The following PHEX variants were observed in gnomAD, a reference collection of about 807,000 sequenced individuals.
PHEX encodes phosphate-regulating neutral endopeptidase PHEX.
Under a neutral mutation model 68.0 loss-of-function variants are expected in PHEX, and 16 were observed. The ratio of observed to expected loss-of-function variants is 0.24; its 90% confidence interval spans 0.16 to 0.36. The LOEUF (loss-of-function observed/expected upper bound fraction) is 0.36. PHEX is among the 10% of genes least tolerant of loss of function. PHEX has a pLI of 1.00. For synonymous variants in PHEX, 208 were observed against 205.1 expected, an observed-to-expected ratio of 1.01 and a Z score of -0.12; for missense variants, 480 against 575.5, an observed-to-expected ratio of 0.83 and a Z score of 1.70.
At position 22,107,445 on chromosome X, in the gene PHEX, C is replaced by T. The variant is rs746433517; in HGVS notation, c.1080-4022C>T. On this transcript the variant is annotated intron_variant, in intron 9 of 21. Coordinates refer to ENST00000379374, the MANE Select transcript of PHEX (RefSeq NM_000444.6). ...TAAGAGGTATTTTAGAGACAAAGAACATAAAGTCCTTGCACTAGGACCAAG... is the reference window on the plus strand; with the variant it reads ...TAAGAGGTATTTTAGAGACAAAGAATATAAAGTCCTTGCACTAGGACCAAG... Among the ~76,000 whole-genome samples the T allele has an allele frequency of 7.4e-4, 83 of 112,268 alleles. 1 individual carries two copies. Among genetic ancestry groups the T allele is most frequent in the African/African-American group, 2.3e-3 (72 of 30,906 alleles).
intron 15 of PHEX, 76 bp downstream of exon 15, chrX:22,190,578 T>C: frequency 1.4e-6 from 1 of 694,641 alleles, no homozygotes. Flanking sequence ...TGATGGAGGG[T>C]AAGACATTTC....
chrX:22,129,425 C>T (rs930577479), intron 11 of PHEX, among the ~76,000 whole-genome samples: 14 of 111,404 alleles, frequency 1.3e-4, no homozygotes, highest in African/African-American at 4.2e-4. Flanking sequence ...TAGCCATGTG[C>T]GAAGAAATAT....
At chrX:22,155,038 C>A (rs185290598) in intron 12 of PHEX, among the ~76,000 whole-genome samples, 1,779 of 112,316 alleles carry the variant, frequency 0.016, 36 homozygotes, top group African/African-American at 0.054. Context: ...CAGCCTCCCA[C>A]GTAGCTGGGA....
chrX:22,244,914 C>T (rs926056692), intron 20 of PHEX, among the ~76,000 whole-genome samples: 28 of 111,727 alleles, frequency 2.5e-4, no homozygotes, highest in African/African-American at 8.5e-4. Context: ...GCGAGCAAGG[C>T]ACTCAGGGGC....
chrX:22,237,401 C>T (rs964189671), intron 20 of PHEX, among the ~76,000 whole-genome samples: 2 of 111,633 alleles, frequency 1.8e-5, no homozygotes, highest in Non-Finnish European at 3.8e-5. Flanking sequence ...TTCCTGCTTT[C>T]TATGTCCCTG....
Position 22,162,182 on chromosome X carries a change from T to TG in PHEX, c.1405-6124dup, listed in dbSNP as rs771100335. On this transcript the variant is annotated intron_variant, in intron 12 of 21. Coordinates refer to ENST00000379374, the MANE Select transcript of PHEX (RefSeq NM_000444.6). Reference sequence around the variant, plus strand: ...GCTCTCAAAAGAGTCCTCCAACTTTTGGGGGGCTGCAAATAGCCTGGATTC... The same window carrying TG: ...GCTCTCAAAAGAGTCCTCCAACTTTTGGGGGGGCTGCAAATAGCCTGGATTC... 2.7e-5 allele frequency among the ~76,000 whole-genome samples: 3 copies of TG among 111,993 alleles called. No individual in the cohort carries two copies. The East Asian group carries it at 8.5e-4, about 32-fold the overall frequency.
rs921968559 is a variant in PHEX, at chrX:22,226,616, G to C, written c.1965+108G>C. The stretch of plus-strand genomic sequence containing the variant: ...ATGTTCTTGAGGAGTTAGTTAGTTA[G>C]ATATTATGGAATTTCTGTAAATAGA... On this transcript the variant is annotated intron_variant, in intron 19 of 21. Transcript: ENST00000379374. 22 of 610,480 alleles carry C rather than the reference G, an allele frequency of 3.6e-5. No individual in the cohort carries two copies. The Middle Eastern group carries it at 1.2e-3, about 34-fold the overall frequency. The allele number at this position is 610,480 out of a possible 1,213,427, so 50.3% of individuals were successfully genotyped here. A position where few individuals can be genotyped will look rare whatever the true frequency, so the allele number is the denominator to read the frequency against.
At chrX:22,198,949 A>G (rs935892128) in intron 15 of PHEX, among the ~76,000 whole-genome samples, 1 of 111,486 alleles carries the variant, frequency 9.0e-6, no homozygotes, top group African/African-American at 3.3e-5. Flanking sequence ...CATGTCTTAC[A>G]TGGTGGCAGG....
chrX:22,065,020 C>T (rs765985378), intron 3 of PHEX, among the ~76,000 whole-genome samples: 1 of 112,137 alleles, frequency 8.9e-6, no homozygotes, highest in African/African-American at 3.2e-5. Context: ...TGCTTTAAAG[C>T]GTCAAGAGAA....
intron 13 of PHEX, among the ~76,000 whole-genome samples, chrX:22,170,862 T>A (rs1933500957): frequency 1.8e-5 from 2 of 112,655 alleles, no homozygotes; most frequent in African/African-American, 6.4e-5. Flanking sequence ...CCAAACAGGA[T>A]GCCATGTTGG....
chrX:22,033,134 T>A lies in PHEX; in HGVS notation c.118+11T>A, dbSNP rs758549621. On this transcript the variant is annotated intron_variant, in intron 1 of 21. Coordinates refer to ENST00000379374, the MANE Select transcript of PHEX (RefSeq NM_000444.6). ...CGATCCTCTTTCTAGGTAAGTGGAG[T>A]GCAGGAGGCCGGGGGAACTGGGTGT... is the stretch of plus-strand genomic sequence containing the variant. 8.9e-7 allele frequency: 1 copy of A among 1,118,040 alleles called. No homozygotes were observed. The highest frequency in any genetic ancestry group is 1.8e-5 in the African/African-American group (1 of 55,942). 92.1% of individuals were successfully genotyped at this position (1,118,040 alleles called of 1,213,427 possible).
In PHEX at chrX:22,249,855, G is replaced by A. The variant is rs1470077046; in HGVS notation, c.*1902G>A. On this transcript the variant is annotated 3_prime_UTR_variant, in exon 22 of 22. Coordinates refer to ENST00000379374, the MANE Select transcript of PHEX (RefSeq NM_000444.6). ...GAGGTTTATCATGCTTATATGAATA[G>A]TGTTTCCCTTCTAGATTTCCTTTAT... 4.5e-5 allele frequency: 5 copies of A among 111,085 alleles called. No homozygotes were observed. Among genetic ancestry groups the A allele is most frequent in the Non-Finnish European group, 7.5e-5 (4 of 53,062 alleles). The allele number at this position is 111,085 out of a possible 1,213,427, so 9.2% of individuals were successfully genotyped here.
At chrX:22,159,526 C>CA (rs1013939088) in intron 12 of PHEX, among the ~76,000 whole-genome samples, 39 of 110,911 alleles carry the variant, frequency 3.5e-4, no homozygotes, top group African/African-American at 1.2e-3. Context: ...CACAAAAGGA[C>CA]AAAAAAACAC....
intron 3 of PHEX, among the ~76,000 whole-genome samples, chrX:22,054,701 C>T (rs141329831): frequency 0.023 from 2,523 of 111,450 alleles, 29 homozygotes; most frequent in South Asian, 0.08. Context: ...CACCACAGTC[C>T]TATATGTGCA....
intron 15 of PHEX, among the ~76,000 whole-genome samples, chrX:22,206,860 A>G (rs917578782): frequency 8.0e-5 from 9 of 111,962 alleles, no homozygotes; most frequent in African/African-American, 2.9e-4. Flanking sequence ...TTGTACTAAA[A>G]AAAACTCTAA....
At chrX:22,058,762 C>A (rs896557281) in intron 3 of PHEX, among the ~76,000 whole-genome samples, 1 of 112,076 alleles carries the variant, frequency 8.9e-6, no homozygotes, top group East Asian at 2.8e-4. Context: ...CCTCTTACGC[C>A]GCTCTAGAGC....
intron 12 of PHEX, among the ~76,000 whole-genome samples, chrX:22,147,961 G>A (rs1162921789): frequency 9.2e-6 from 1 of 109,085 alleles, no homozygotes; most frequent in Non-Finnish European, 1.9e-5. Context: ...AACAGAGTAG[G>A]TTTTATTTTT....
intron 3 of PHEX, among the ~76,000 whole-genome samples, chrX:22,051,974 TTCTATC>T (rs1158814438): frequency 1.8e-5 from 2 of 111,644 alleles, no homozygotes; most frequent in Non-Finnish European, 3.8e-5. Flanking sequence ...AATCTTTAAA[TTCTATC>T]TATATCTTTT....
chrX:22,105,766 A>G (rs1405312905), intron 9 of PHEX, among the ~76,000 whole-genome samples: 2 of 112,213 alleles, frequency 1.8e-5, no homozygotes, highest in Non-Finnish European at 3.8e-5. Flanking sequence ...AGAAATATCA[A>G]AGAAGGTATT....
Sources: gnomAD v4.1 joint callset for allele counts (sites outside exome capture counted in the v4.1 genomes callset) on GRCh38, gnomAD v4.1.1 for gene constraint, MANE v1.5 for transcripts, NCBI Gene and HGNC (gene_info 2026-07-23, HGNC 2026-07-21) for gene names.